RAPGEF1: variants seen among roughly 807,000 people sequenced by gnomAD.
RAPGEF1 encodes the protein Rap guanine nucleotide exchange factor 1.
RAPGEF1 carries 33 observed loss-of-function variants against 143.3 expected under a neutral mutation model. That is an observed-to-expected ratio of 0.23 (90% CI 0.17 to 0.31). RAPGEF1 has a LOEUF of 0.31. Ranked by LOEUF, RAPGEF1 falls within the 10% of genes least tolerant of loss-of-function variation. The probability of loss-of-function intolerance (pLI) is 1.00; values close to 1 mark genes in which losing one functional copy is unlikely to be tolerated. For synonymous variants in RAPGEF1, 629 were observed against 676.5 expected, an observed-to-expected ratio of 0.93 and a Z score of 1.09; for missense variants, 1,199 against 1,645.4, an observed-to-expected ratio of 0.73 and a Z score of 4.69.
At chr9:131,739,665 G>C (rs1466762550) in intron 1 of RAPGEF1, 105 bp downstream of exon 1, 1 of 869,570 alleles carries the variant, frequency 1.1e-6, no homozygotes, top group Non-Finnish European at 1.4e-6. Flanking sequence ...CCGCCCCGGC[G>C]CACGGAGGGC....
chr9:131,700,839 C>CTTGT (rs1834585525), intron 1 of RAPGEF1, among the ~76,000 whole-genome samples: 1 of 152,170 alleles, frequency 6.6e-6, no homozygotes, highest in South Asian at 2.1e-4. Context: ...CAGGAGGCTG[C>CTTGT]TTGTTCGTAG....
intron 12 of RAPGEF1, among the ~76,000 whole-genome samples, chr9:131,616,583 C>T (rs977618263): frequency 2.0e-5 from 3 of 152,168 alleles, no homozygotes; most frequent in Non-Finnish European, 4.4e-5. Flanking sequence ...ATTCCCTTGG[C>T]AAGAGGTTTT....
chr9:131,720,703 T>C (rs1355778609), intron 1 of RAPGEF1, among the ~76,000 whole-genome samples: 2 of 152,172 alleles, frequency 1.3e-5, no homozygotes, highest in Non-Finnish European at 2.9e-5. Context: ...TTTCTGGCTG[T>C]TTCCTTTAAC....
At chr9:131,704,377 G>A (rs1029560163) in intron 1 of RAPGEF1, among the ~76,000 whole-genome samples, 5 of 151,404 alleles carry the variant, frequency 3.3e-5, no homozygotes, top group Admixed American at 6.6e-5. Flanking sequence ...CAAAACTGAG[G>A]CAAATCCTTA....
chr9:131,622,324 G>A, intron 10 of RAPGEF1, among the ~76,000 whole-genome samples: 1 of 152,216 alleles, frequency 6.6e-6, no homozygotes, highest in Non-Finnish European at 1.5e-5. Context: ...CTCGAGGCAT[G>A]TCGCAAGTGC....
intron 3 of RAPGEF1, among the ~76,000 whole-genome samples, chr9:131,645,138 G>A (rs919345220): frequency 1.4e-4 from 22 of 152,144 alleles, no homozygotes; most frequent in South Asian, 4.1e-4. Flanking sequence ...TTTCCACCTC[G>A]TGGACAAGAG....
intron 1 of RAPGEF1, among the ~76,000 whole-genome samples, chr9:131,685,853 C>T (rs1295845267): frequency 6.6e-6 from 1 of 152,128 alleles, no homozygotes; most frequent in Non-Finnish European, 1.5e-5. Flanking sequence ...CAGGCGAATT[C>T]AGCTACGTGC....
chr9:131,721,581 G>A (rs1353226392), intron 1 of RAPGEF1, among the ~76,000 whole-genome samples: 1 of 152,190 alleles, frequency 6.6e-6, no homozygotes, highest in Admixed American at 6.5e-5. Context: ...GTATGGAATA[G>A]TCGCCGAAGA....
intron 1 of RAPGEF1, among the ~76,000 whole-genome samples, chr9:131,689,642 G>A (rs1448928604): frequency 1.3e-5 from 2 of 151,912 alleles, no homozygotes; most frequent in East Asian, 1.9e-4. Context: ...GGGTTCAAGC[G>A]CTTCTCTTGC....
At chr9:131,601,659 A>G (rs1485810582) in intron 15 of RAPGEF1, among the ~76,000 whole-genome samples, 1 of 152,150 alleles carries the variant, frequency 6.6e-6, no homozygotes, top group Admixed American at 6.6e-5. Context: ...TAAGCCCAGC[A>G]CTTTGGGAGG....
chr9:131,663,491 G>A (rs1008202473), intron 1 of RAPGEF1, among the ~76,000 whole-genome samples: 2 of 148,058 alleles, frequency 1.4e-5, no homozygotes, highest in Non-Finnish European at 3.0e-5. Context: ...TCCAATTAAG[G>A]AGCATACATT....
chr9:131,690,976 T>C (rs1273480757), intron 1 of RAPGEF1, among the ~76,000 whole-genome samples: 1 of 152,252 alleles, frequency 6.6e-6, no homozygotes, highest in Non-Finnish European at 1.5e-5. Context: ...AAGGTTTTTC[T>C]TTCTTTCTAG....
chr9:131,676,016 CT>C (rs1389481068), intron 1 of RAPGEF1, among the ~76,000 whole-genome samples: 1 of 152,044 alleles, frequency 6.6e-6, no homozygotes, highest in Non-Finnish European at 1.5e-5. Context: ...ATCCTTCCAC[CT>C]TGGCCTCTCA....
chr9:131,584,043 A>G lies in RAPGEF1; in HGVS notation c.3414+268T>C, dbSNP rs1952301591. 6.6e-6 allele frequency among the ~76,000 whole-genome samples: 1 copy of G among 152,118 alleles called. No individual in the cohort carries two copies. The highest frequency in any genetic ancestry group is 2.1e-4 in the South Asian group (1 of 4,832). ...GGGCGGGCGGGGGAGGCGGGAACCC[A>G]GGGATGGGCCTGCTGGGTGGCAGCA... is the stretch of plus-strand genomic sequence containing the variant. On this transcript the variant is annotated intron_variant, in intron 24 of 26. Transcript: ENST00000683357. The surrounding 1 kb of genome is among the most constrained non-coding windows in gnomAD (Gnocchi z 6.8).
chr9:131,663,827 T>C (rs1260392441), intron 1 of RAPGEF1, among the ~76,000 whole-genome samples: 1 of 152,252 alleles, frequency 6.6e-6, no homozygotes, highest in East Asian at 1.9e-4. Context: ...ATAAGTAATC[T>C]GTACTGCAAT....
At chr9:131,633,713 T>A (rs1402369671) in intron 5 of RAPGEF1, among the ~76,000 whole-genome samples, 1 of 152,216 alleles carries the variant, frequency 6.6e-6, no homozygotes, top group Non-Finnish European at 1.5e-5. Context: ...GAAAAGACTA[T>A]AAAAGGGGCG....
At chr9:131,714,619 C>T (rs945848580) in intron 1 of RAPGEF1, among the ~76,000 whole-genome samples, 3 of 152,000 alleles carry the variant, frequency 2.0e-5, no homozygotes, top group African/African-American at 7.3e-5. Flanking sequence ...AAAGCGATGA[C>T]CAGCCTGGAG....
chr9:131,610,602 C>T (rs1167379513), intron 12 of RAPGEF1, among the ~76,000 whole-genome samples: 2 of 152,142 alleles, frequency 1.3e-5, no homozygotes, highest in Non-Finnish European at 2.9e-5. Flanking sequence ...AAATTTTTAT[C>T]CCTCATTTGT....
intron 10 of RAPGEF1, among the ~76,000 whole-genome samples, chr9:131,624,627 G>T (rs368285318): frequency 6.6e-6 from 1 of 152,360 alleles, no homozygotes; most frequent in East Asian, 1.9e-4. Flanking sequence ...GGAAGGAAAG[G>T]GGGTGAACCT....
Sources: allele counts gnomAD v4.1 joint callset (sites outside exome capture counted in the v4.1 genomes callset), GRCh38; gene constraint gnomAD v4.1.1; non-coding constraint Gnocchi (gnomAD v3.1); transcripts MANE v1.5; gene names NCBI Gene and HGNC (gene_info 2026-07-23, HGNC 2026-07-21).